MAP3K7: variants seen among roughly 807,000 people sequenced by gnomAD.
MAP3K7 encodes TGF-beta activated kinase 1.
A neutral mutation model predicts 84.8 loss-of-function variants in MAP3K7; 21 were observed. That is an observed-to-expected ratio of 0.25 (90% CI 0.18 to 0.36). The LOEUF is 0.36. Among genes scored for constraint, MAP3K7 ranks in the 10% least tolerant of loss-of-function variants. MAP3K7 has a pLI of 1.00. For missense variants in MAP3K7, 503 were observed against 747.7 expected (o/e 0.67, Z 3.82); for synonymous variants, 241 against 247.7 (o/e 0.97, Z 0.25).
chr6:90,519,171 T>C (rs1474123958), intron 15 of MAP3K7, 87 bp downstream of exon 15: 2 of 810,080 alleles, frequency 2.5e-6, no homozygotes, highest in African/African-American at 3.6e-5. Context: ...AAGGAGTGAC[T>C]ATACAATGAC....
chr6:90,557,887 T>G (rs1022257660), intron 5 of MAP3K7, among the ~76,000 whole-genome samples: 1 of 152,154 alleles, frequency 6.6e-6, no homozygotes, highest in African/African-American at 2.4e-5. Context: ...TGAATAAACT[T>G]GCAAAAGATA....
At chr6:90,529,366 T>C (rs1337323986) in intron 13 of MAP3K7, among the ~76,000 whole-genome samples, 2 of 152,178 alleles carry the variant, frequency 1.3e-5, no homozygotes, top group Non-Finnish European at 2.9e-5. Flanking sequence ...ACTTCACATG[T>C]TTCAGTCTAA....
intron 8 of MAP3K7, chr6:90,551,346 A>G (rs959788833): frequency 4.6e-5 from 7 of 152,158 alleles, no homozygotes; most frequent in Admixed American, 4.6e-4. Context: ...ACTGTTTCAA[A>G]ATTCAGGCAC....
chr6:90,551,757 A>G (rs1423264890), intron 8 of MAP3K7: 5 of 236,176 alleles, frequency 2.1e-5, no homozygotes, highest in Non-Finnish European at 3.3e-5. Flanking sequence ...CTCCCACATT[A>G]CAAATGAGGC....
At position 90,548,027 on chromosome 6, in the gene MAP3K7, C is replaced by G. The variant is rs34247123; in HGVS notation, c.1080+20G>C. The G allele has an allele frequency of 3.8e-3, 6,039 of 1,598,254 alleles. 15 individuals carry two copies. The highest frequency in any genetic ancestry group is 4.3e-3 in the Non-Finnish European group (4,987 of 1,172,916). ...ACTACTGGTAAGGTTACCAGTTTTA[C>G]TTGTAATAACATAACAAACCTGTTG... is the stretch of plus-strand genomic sequence containing the variant. On this transcript the variant is annotated intron_variant, in intron 10 of 16. Coordinates refer to ENST00000369329, the MANE Select transcript of MAP3K7 (RefSeq NM_145331.3).
chr6:90,568,566 A>T lies in MAP3K7; in HGVS notation c.289T>A (p.Leu97Met). 1 of 1,607,922 alleles carries T rather than the reference A, an allele frequency of 6.2e-7. No individual in the cohort carries two copies. The highest frequency in any genetic ancestry group is 8.5e-7 in the Non-Finnish European group (1 of 1,178,478). ...PNIVKLYGAC[L>M]NPVCLVMEYA... ...AAAAGTAACAAACTTACTGGATTCA[A>T]GCAGGCTCCATAAAGCTTTACAATA... The change falls in exon 3 of 17, where the codon TTG becomes ATG. Residue 97 changes from leucine to methionine, a missense_variant. Transcript: ENST00000369329.
At chr6:90,581,571 C>T (rs1777271787) in intron 1 of MAP3K7, among the ~76,000 whole-genome samples, 1 of 152,188 alleles carries the variant, frequency 6.6e-6, no homozygotes. Context: ...TTCATGCAGT[C>T]TTTTAATACC....
At chr6:90,572,588 A>G (rs1183946705) in intron 1 of MAP3K7, among the ~76,000 whole-genome samples, 2 of 151,800 alleles carry the variant, frequency 1.3e-5, no homozygotes, top group Non-Finnish European at 2.9e-5. Context: ...AAAACCAAAA[A>G]CCTAATTTAT....
rs1775276406 is a variant in MAP3K7, at chr6:90,525,074, T to TA, written c.1357-1292dup. On this transcript the variant is annotated intron_variant, in intron 13 of 16. Transcript: ENST00000369329. ...AGAGCAAACTTATCAGTAACCACAATAAATGTAAATGAATTACTCTCCAGT... is the reference window on the plus strand; with the variant it reads ...AGAGCAAACTTATCAGTAACCACAATAAAATGTAAATGAATTACTCTCCAGT... 2.0e-5 allele frequency among the ~76,000 whole-genome samples: 3 copies of TA among 151,734 alleles called. No individual in the cohort carries two copies. In the South Asian group the frequency reaches 6.2e-4, roughly 32 times the overall value.
intron 3 of MAP3K7, among the ~76,000 whole-genome samples, chr6:90,566,792 A>G (rs1323130907): frequency 5.3e-5 from 8 of 152,198 alleles, no homozygotes; most frequent in Non-Finnish European, 1.2e-4. Flanking sequence ...TGGAGGCATC[A>G]CGCTACCTGA....
chr6:90,550,137 A>C (rs1161637898), intron 9 of MAP3K7, among the ~76,000 whole-genome samples: 1 of 152,212 alleles, frequency 6.6e-6, no homozygotes, highest in African/African-American at 2.4e-5. Context: ...AAATACATTT[A>C]CAATAATTTC....
chr6:90,565,593 T>G (rs568447535), intron 3 of MAP3K7, among the ~76,000 whole-genome samples: 2 of 152,020 alleles, frequency 1.3e-5, no homozygotes, highest in South Asian at 4.2e-4. Context: ...ACAAAAAAAG[T>G]CCAGGACCAG....
At chr6:90,577,325 T>C (rs1777119289) in intron 1 of MAP3K7, among the ~76,000 whole-genome samples, 1 of 152,108 alleles carries the variant, frequency 6.6e-6, no homozygotes, top group African/African-American at 2.4e-5. Flanking sequence ...GTTTTAGTCA[T>C]ATGAAGTTTA....
chr6:90,516,347 A>G lies in MAP3K7; in HGVS notation c.*154T>C. On this transcript the variant is annotated 3_prime_UTR_variant, in exon 17 of 17. Coordinates refer to ENST00000369329, the MANE Select transcript of MAP3K7 (RefSeq NM_145331.3). ...ATTGTATGTCCACCATGAGAAAAGG[A>G]AAATAAACAATGAAAAAAATGCAGC... 1 of 730,326 alleles carries G rather than the reference A, an allele frequency of 1.4e-6. No individual in the cohort carries two copies. The highest frequency in any genetic ancestry group is 2.3e-6 in the Non-Finnish European group (1 of 435,482). 45.2% of individuals were successfully genotyped at this position (730,326 alleles called of 1,614,324 possible). A position where few individuals can be genotyped will look rare whatever the true frequency, so the allele number is the denominator to read the frequency against.
intron 2 of MAP3K7, 66 bp from the exon 3 acceptor site, chr6:90,568,689 T>C: frequency 3.5e-6 from 4 of 1,156,246 alleles, no homozygotes; most frequent in South Asian, 1.4e-5. Context: ...CACAGTATCA[T>C]TAAAATCTTA....
chr6:90,571,598 A>G, intron 2 of MAP3K7, 99 bp downstream of exon 2: 1 of 629,796 alleles, frequency 1.6e-6, no homozygotes, highest in Non-Finnish European at 2.6e-6. Context: ...TCATGTATAC[A>G]AAGAAATGAC....
chr6:90,556,401 C>A, intron 6 of MAP3K7, 99 bp downstream of exon 6: 1 of 1,270,522 alleles, frequency 7.9e-7, no homozygotes, highest in Non-Finnish European at 1.1e-6. Flanking sequence ...ATGTATTATG[C>A]AGAAATAAAA....
intron 6 of MAP3K7, among the ~76,000 whole-genome samples, chr6:90,556,181 C>T (rs143781641): frequency 1.2e-4 from 19 of 152,372 alleles, no homozygotes; most frequent in Non-Finnish European, 2.5e-4. Flanking sequence ...CATGAAAGCA[C>T]TGTCTGCAAA....
chr6:90,561,822 A>G (rs903907712), intron 3 of MAP3K7, among the ~76,000 whole-genome samples, 155 bp from the exon 4 acceptor site: 3 of 152,184 alleles, frequency 2.0e-5, no homozygotes, highest in African/African-American at 7.2e-5. Context: ...AGGAAAAGGT[A>G]TCTATGACCT....
Sources: gnomAD v4.1 joint callset for allele counts (sites outside exome capture counted in the v4.1 genomes callset) on GRCh38, gnomAD v4.1.1 for gene constraint, MANE v1.5 for transcripts, NCBI Gene and HGNC (gene_info 2026-07-23, HGNC 2026-07-21) for gene names.